Variants in LCORL observed in about 807,000 individuals in gnomAD.
LCORL encodes the protein ligand dependent nuclear receptor corepressor like.
Under a neutral mutation model 141.8 loss-of-function variants are expected in LCORL, and 41 were observed. The observed-to-expected ratio is 0.29, with a 90% CI of 0.23 to 0.38. The LOEUF (loss-of-function observed/expected upper bound fraction) is 0.38, where lower values mean the gene tolerates loss of function less well. Among genes scored for constraint, LCORL ranks in the 10% least tolerant of loss-of-function variants. The pLI is 1.00. For missense variants in LCORL, 1,759 were observed against 2,035.0 expected, an observed-to-expected ratio of 0.86 and a Z score of 2.61; for synonymous variants, 618 against 694.1, an observed-to-expected ratio of 0.89 and a Z score of 1.72.
intron 4 of LCORL, among the ~76,000 whole-genome samples, chr4:17,939,410 T>C (rs925970143): frequency 1.3e-5 from 2 of 152,182 alleles, no homozygotes; most frequent in Non-Finnish European, 2.9e-5. Flanking sequence ...ATAGGTTTTA[T>C]GTTTTATATT....
At chr4:17,874,313 A>G (rs781235155) in exon 7 of LCORL, 550 of 1,233,966 alleles carry the variant, frequency 4.5e-4, no homozygotes, top group Non-Finnish European at 5.2e-4. Context: ...AAGAGAGTGC[A>G]AATTTTTTAA....
At chr4:17,863,483 C>T (rs1725254623) in intron 7 of LCORL, among the ~76,000 whole-genome samples, 1 of 151,884 alleles carries the variant, frequency 6.6e-6, no homozygotes. Flanking sequence ...TATTAAAAAG[C>T]CAAAAAAATA....
rs184177433 is a variant in LCORL at position 17,974,874 on chromosome 4, A to C, written c.155-1989T>G. 5.2e-3 allele frequency among the ~76,000 whole-genome samples: 799 copies of C among 152,268 alleles called. 12 individuals are homozygous for C. The highest frequency in any genetic ancestry group is 0.018 in the African/African-American group (759 of 41,558). The stretch of plus-strand genomic sequence containing the variant: ...CACTTATTGGCAAAAAAGTTGCTCA[A>C]AAGATTCTTTTAATACCTTTCACCA... On this transcript the variant is annotated intron_variant, in intron 1 of 7. Transcript: ENST00000635767.
chr4:18,014,059 C>G (rs1004186753), intron 1 of LCORL, among the ~76,000 whole-genome samples: 3 of 152,092 alleles, frequency 2.0e-5, no homozygotes, highest in African/African-American at 7.2e-5. Flanking sequence ...CCGCCTGCCT[C>G]AGTCTCCCAA....
intron 1 of LCORL, among the ~76,000 whole-genome samples, chr4:18,017,468 T>C (rs1403626032): frequency 3.9e-5 from 6 of 152,110 alleles, no homozygotes; most frequent in East Asian, 1.9e-4. Flanking sequence ...ATCACCAACA[T>C]TGGTACACAC....
chr4:17,925,631 G>C (rs1290178859), intron 4 of LCORL, among the ~76,000 whole-genome samples: 3 of 152,016 alleles, frequency 2.0e-5, no homozygotes, highest in Admixed American at 2.0e-4. Flanking sequence ...CAGCACTTTG[G>C]GAGGCCGAGG....
At chr4:17,947,113 T>C (rs377759726) in intron 4 of LCORL, among the ~76,000 whole-genome samples, 10 of 151,990 alleles carry the variant, frequency 6.6e-5, no homozygotes, top group African/African-American at 2.2e-4. Flanking sequence ...TCAAGCTAAG[T>C]GTCCAGCCGC....
At chr4:17,867,790 G>A (rs1725861543) in intron 7 of LCORL, among the ~76,000 whole-genome samples, 1 of 152,082 alleles carries the variant, frequency 6.6e-6, no homozygotes, top group Non-Finnish European at 1.5e-5. Flanking sequence ...CTCAGTAATA[G>A]TTGAGAAAGC....
At chr4:17,922,266 C>A (rs1431885967) in intron 4 of LCORL, among the ~76,000 whole-genome samples, 1 of 152,094 alleles carries the variant, frequency 6.6e-6, no homozygotes, top group Non-Finnish European at 1.5e-5. Flanking sequence ...CTGGAATTGG[C>A]TGCTTAATAT....
chr4:18,020,219 T>C (rs1725278574), intron 1 of LCORL, among the ~76,000 whole-genome samples: 1 of 152,006 alleles, frequency 6.6e-6, no homozygotes, highest in Non-Finnish European at 1.5e-5. Context: ...TCTCTACTAG[T>C]CAAAAAAAGA....
intron 4 of LCORL, among the ~76,000 whole-genome samples, chr4:17,957,102 G>A (rs909888954): frequency 6.6e-6 from 1 of 151,878 alleles, no homozygotes; most frequent in South Asian, 2.1e-4. Context: ...TAATGGAGAG[G>A]CCAGGGTGTT....
At chr4:17,931,076 T>C (rs1735956514) in intron 4 of LCORL, among the ~76,000 whole-genome samples, 1 of 152,194 alleles carries the variant, frequency 6.6e-6, no homozygotes, top group Admixed American at 6.5e-5. Context: ...TCCAAAGAAA[T>C]AATCCATTTC....
chr4:17,873,790 G>A (rs1577299902), exon 7 of LCORL: 6 of 1,233,930 alleles, frequency 4.9e-6, no homozygotes, highest in Admixed American at 4.2e-5. Context: ...AGACAGTTGA[G>A]CTTCCTCAAA....
At chr4:17,936,160 A>G (rs1249933824) in intron 4 of LCORL, among the ~76,000 whole-genome samples, 1 of 152,112 alleles carries the variant, frequency 6.6e-6, no homozygotes, top group African/African-American at 2.4e-5. Flanking sequence ...TGGTGTGGCA[A>G]TTTTTATAAA....
intron 1 of LCORL, among the ~76,000 whole-genome samples, chr4:18,003,429 T>C (rs1036218377): frequency 7.1e-6 from 1 of 140,372 alleles, no homozygotes; most frequent in South Asian, 2.3e-4. Flanking sequence ...GGTGTTTGAC[T>C]TGTGAAATTT....
chr4:17,906,427 T>A (rs1731630200), intron 5 of LCORL, among the ~76,000 whole-genome samples: 1 of 152,166 alleles, frequency 6.6e-6, no homozygotes, highest in African/African-American at 2.4e-5. Flanking sequence ...AAATAATTTC[T>A]ATCCTCAAGA....
At chr4:17,963,351 T>C (rs1714225572) in intron 2 of LCORL, among the ~76,000 whole-genome samples, 1 of 152,010 alleles carries the variant, frequency 6.6e-6, no homozygotes, top group African/African-American at 2.4e-5. Flanking sequence ...AACTTATCAT[T>C]GTGCTTTAAT....
At chr4:18,016,119 G>C (rs888677197) in intron 1 of LCORL, among the ~76,000 whole-genome samples, 4 of 152,018 alleles carry the variant, frequency 2.6e-5, no homozygotes, top group South Asian at 4.2e-4. Context: ...CTACCAGAAA[G>C]AATCTATTGG....
At chr4:17,864,687 A>G (rs1169953591) in intron 7 of LCORL, among the ~76,000 whole-genome samples, 1 of 152,234 alleles carries the variant, frequency 6.6e-6, no homozygotes, top group African/African-American at 2.4e-5. Flanking sequence ...GTCTACTGAA[A>G]AGGCAGAGAT....
Sources: gnomAD v4.1 joint callset for allele counts (sites outside exome capture counted in the v4.1 genomes callset) on GRCh38, gnomAD v4.1.1 for gene constraint, MANE v1.5 for transcripts, NCBI Gene and HGNC (gene_info 2026-07-23, HGNC 2026-07-21) for gene names.